Variants in RABGAP1 observed in about 807,000 individuals in gnomAD.
The protein encoded by RABGAP1 is RAB GTPase activating protein 1.
Under a neutral mutation model 137.6 loss-of-function variants are expected in RABGAP1, and 23 were observed. The observed-to-expected ratio is 0.17, with a 90% CI of 0.12 to 0.24. The LOEUF (loss-of-function observed/expected upper bound fraction) is 0.24, where lower values mean the gene tolerates loss of function less well. Among genes scored for constraint, RABGAP1 ranks in the 10% least tolerant of loss-of-function variants. RABGAP1 has a pLI of 1.00. For synonymous variants in RABGAP1, 451 were observed against 450.7 expected, an observed-to-expected ratio of 1.00 and a Z score of -0.01; for missense variants, 906 against 1,275.8, an observed-to-expected ratio of 0.71 and a Z score of 4.42.
At position 123,103,128 on chromosome 9, in the gene RABGAP1, T is replaced by C; in HGVS notation, c.3125T>C (p.Val1042Ala). ...CATTTAGGGCTTGCCCTCAATGAGGTGCAGGCAGCCAAGAAGACGTGGTTT... is the reference window on the plus strand; with the variant it reads ...CATTTAGGGCTTGCCCTCAATGAGGCGCAGGCAGCCAAGAAGACGTGGTTT... ...EHHLGLALNEVQAAKKTWFNR... is the reference protein window; with the variant it reads ...EHHLGLALNEAQAAKKTWFNR... Residue 1042 changes from valine to alanine, a missense_variant, in exon 26 of 26, where the codon GTG becomes GCG. Transcript: ENST00000373647. 6.2e-7 allele frequency: 1 copy of C among 1,614,164 alleles called. No homozygotes were observed. Among genetic ancestry groups the C allele is most frequent in the Non-Finnish European group, 8.5e-7 (1 of 1,180,006 alleles).
intron 11 of RABGAP1, among the ~76,000 whole-genome samples, chr9:123,014,723 G>A (rs963559695): frequency 1.4e-5 from 2 of 147,234 alleles, no homozygotes; most frequent in African/African-American, 5.1e-5. Flanking sequence ...GTTCTGTGGT[G>A]CGATCTTGGC....
At chr9:123,031,944 T>C (rs1027855968) in intron 13 of RABGAP1, among the ~76,000 whole-genome samples, 4 of 152,242 alleles carry the variant, frequency 2.6e-5, no homozygotes, top group African/African-American at 9.6e-5. Context: ...ATTGACGCCA[T>C]GTCATCATTC....
At chr9:123,097,353 T>C (rs1462345800) in intron 21 of RABGAP1, among the ~76,000 whole-genome samples, 3 of 152,232 alleles carry the variant, frequency 2.0e-5, no homozygotes, top group African/African-American at 7.2e-5. Flanking sequence ...TTAATAATAA[T>C]GATGGCTACC....
chr9:123,086,631 C>T (rs191786277), intron 19 of RABGAP1, among the ~76,000 whole-genome samples: 2 of 142,328 alleles, frequency 1.4e-5, no homozygotes, highest in Non-Finnish European at 3.0e-5. Flanking sequence ...CAGCATCAGC[C>T]GTGAACCCAT....
intron 10 of RABGAP1, among the ~76,000 whole-genome samples, chr9:123,006,834 C>A (rs753517096): frequency 5.3e-5 from 8 of 152,108 alleles, no homozygotes; most frequent in Non-Finnish European, 1.0e-4. Context: ...GTCTCGAACT[C>A]CTGACCTCAG....
Position 123,070,780 on chromosome 9 carries a change from G to T in RABGAP1, c.1983+356G>T, listed in dbSNP as rs1307820340. ...TTAGGTATTGGGGTAGGAGGAAGGC[G>T]GAAAAGTTGGTTTTCTTTTAGTACC... is the stretch of plus-strand genomic sequence containing the variant. On this transcript the variant is annotated intron_variant, in intron 15 of 25. Coordinates refer to ENST00000373647, the MANE Select transcript of RABGAP1 (RefSeq NM_012197.4). This position sits in a 1 kb window ranked among gnomAD's most constrained non-coding sequence, Gnocchi z 4.4. 6.6e-6 allele frequency among the ~76,000 whole-genome samples: 1 copy of T among 152,124 alleles called. No homozygotes were observed. The highest frequency in any genetic ancestry group is 1.5e-5 in the Non-Finnish European group (1 of 68,024).
chr9:123,034,266 C>T (rs968855826), intron 13 of RABGAP1: 4 of 414,242 alleles, frequency 9.7e-6, no homozygotes, highest in African/African-American at 2.0e-5. Flanking sequence ...GGCCTGAAGA[C>T]GTTCTCCCCA....
intron 3 of RABGAP1, 131 bp from the exon 4 acceptor site, chr9:122,986,084 G>C (rs1259822509): frequency 7.7e-6 from 6 of 775,586 alleles, no homozygotes; most frequent in Non-Finnish European, 8.2e-6. Context: ...ATTTCTTTTA[G>C]GGTATGGCAT....
intron 19 of RABGAP1, among the ~76,000 whole-genome samples, chr9:123,081,948 A>G (rs1206694675): frequency 1.3e-5 from 2 of 152,072 alleles, no homozygotes; most frequent in Non-Finnish European, 2.9e-5. Flanking sequence ...TTTCCAACGC[A>G]TTCCACTGTC....
chr9:123,001,474 T>TGG (rs1026749014), intron 10 of RABGAP1, among the ~76,000 whole-genome samples: 2 of 152,222 alleles, frequency 1.3e-5, no homozygotes, highest in African/African-American at 2.4e-5. Context: ...AAGTTAGCCC[T>TGG]ATTGGGTATA....
At chr9:122,957,349 G>A (rs1834580912) in intron 2 of RABGAP1, 140 bp downstream of exon 2, 2 of 669,892 alleles carry the variant, frequency 3.0e-6, no homozygotes, top group African/African-American at 3.7e-5. Context: ...AATTTTATTT[G>A]CACTTAGTGA....
intron 6 of RABGAP1, chr9:122,990,769 C>CAAGAA (rs1836634200): frequency 6.3e-5 from 1 of 15,916 alleles, no homozygotes; most frequent in African/African-American, 4.2e-4. Flanking sequence ...AACTCCGTCT[C>CAAGAA]AAAAAAAAAA....
At position 122,980,794 on chromosome 9, in the gene RABGAP1, G is replaced by A. The variant is rs547046921; in HGVS notation, c.151-3691G>A. 2.0e-5 allele frequency among the ~76,000 whole-genome samples: 3 copies of A among 152,282 alleles called. No individual in the cohort carries two copies. The South Asian group carries it at 6.2e-4, about 32-fold the overall frequency. ...CCTAGCCCAGTGATTTTCAAACTTT[G>A]TTACATGTGAACATCTCATGGGGTG... On this transcript the variant is annotated intron_variant, in intron 2 of 25. Transcript: ENST00000373647.
intron 13 of RABGAP1, among the ~76,000 whole-genome samples, chr9:123,043,900 C>CTTTT (rs1186243080): frequency 1.5e-5 from 2 of 129,428 alleles, no homozygotes; most frequent in African/African-American, 2.9e-5. Context: ...GTATTATTTT[C>CTTTT]TTTTTTTTTT....
intron 17 of RABGAP1, among the ~76,000 whole-genome samples, 154 bp from the exon 18 acceptor site, chr9:123,076,090 GC>G (rs879748196): frequency 1.3e-5 from 2 of 152,100 alleles, no homozygotes; most frequent in African/African-American, 2.4e-5. Flanking sequence ...CTTTTCAATG[GC>G]CCTTTAGTTT....
intron 19 of RABGAP1, among the ~76,000 whole-genome samples, chr9:123,080,938 C>G (rs1299835048): frequency 6.6e-6 from 1 of 152,078 alleles, no homozygotes; most frequent in Non-Finnish European, 1.5e-5. Context: ...AAAAGTTATA[C>G]CAACTATGCC....
intron 10 of RABGAP1, among the ~76,000 whole-genome samples, chr9:123,005,069 A>AC (rs1346378105): frequency 6.6e-6 from 1 of 151,608 alleles, no homozygotes. Flanking sequence ...AAAAAAAAAA[A>AC]AAAAAAAACT....
chr9:123,011,527 A>G (rs1312866332), intron 11 of RABGAP1, among the ~76,000 whole-genome samples: 1 of 152,226 alleles, frequency 6.6e-6, no homozygotes, highest in African/African-American at 2.4e-5. Context: ...ACTGTTTGCT[A>G]TAACTCCCAT....
chr9:123,034,551 C>T, intron 13 of RABGAP1: 1 of 1,536,620 alleles, frequency 6.5e-7, no homozygotes, highest in South Asian at 1.2e-5. Context: ...AGTGACAGAT[C>T]ACTCCTGAGC....
Sources: allele counts gnomAD v4.1 joint callset (sites outside exome capture counted in the v4.1 genomes callset), GRCh38; gene constraint gnomAD v4.1.1; non-coding constraint Gnocchi (gnomAD v3.1); transcripts MANE v1.5; gene names NCBI Gene and HGNC (gene_info 2026-07-23, HGNC 2026-07-21).